CDHR2: variants seen among roughly 807,000 people sequenced by gnomAD.
CDHR2 encodes cadherin related family member 2.
In CDHR2, 104 loss-of-function variants were observed where a neutral mutation model predicts 138.6. The observed-to-expected ratio is 0.75, with a 90% CI of 0.64 to 0.88. The LOEUF (loss-of-function observed/expected upper bound fraction) is 0.88, where lower values mean the gene tolerates loss of function less well. Among genes scored for constraint, CDHR2 ranks in the 40% least tolerant of loss-of-function variants. The pLI is 0.00. For synonymous variants in CDHR2, 755 were observed against 742.8 expected, an observed-to-expected ratio of 1.02 and a Z score of -0.27; for missense variants, 1,624 against 1,727.6, an observed-to-expected ratio of 0.94 and a Z score of 1.06.
intron 17 of CDHR2, among the ~76,000 whole-genome samples, chr5:176,583,548 GGGCAGAGTCACCTCCA>G (rs1472158256): frequency 6.6e-6 from 1 of 151,440 alleles, no homozygotes; most frequent in Non-Finnish European, 1.5e-5. Context: ...ACATAGGGGA[GGGCAGAGTCACCTCCA>G]GGCTGTGACA....
chr5:176,544,451 C>CTCTTTCTCTTTCCTTT (rs371507296), upstream of CDHR2, among the ~76,000 whole-genome samples: 11 of 146,282 alleles, frequency 7.5e-5, no homozygotes, highest in East Asian at 1.6e-3. Context: ...TTCTCTCTTT[C>CTCTTTCTCTTTCCTTT]CTTTTTTTGA....
intron 1 of CDHR2, among the ~76,000 whole-genome samples, chr5:176,562,376 G>A (rs960282935): frequency 3.3e-5 from 5 of 151,884 alleles, no homozygotes; most frequent in African/African-American, 4.8e-5. Flanking sequence ...GGACGTGGGC[G>A]TTCAGGAGAA....
intron 1 of CDHR2, among the ~76,000 whole-genome samples, chr5:176,559,423 C>A (rs1368818603): frequency 6.6e-6 from 1 of 152,116 alleles, no homozygotes; most frequent in Non-Finnish European, 1.5e-5. Context: ...TGTCTTTATC[C>A]CTAATACTCT....
In CDHR2 at chr5:176,589,095, T is replaced by A; in HGVS notation, c.2921T>A (p.Ile974Asn). Residue 974 changes from isoleucine (I) to asparagine (N), a missense_variant, in exon 22 of 32, where the codon ATC (isoleucine) becomes AAC (asparagine). Transcript: ENST00000261944. ...TTCTCCATCCTCCGAGTAGACTTCA[T>A]CTCTAAGGACGGGGCCACCATCCCT... is the stretch of plus-strand genomic sequence containing the variant. ...ILFSILRVDF[I>N]SKDGATIPFQ... is the part of the protein sequence containing the mutation. 6.2e-7 allele frequency: 1 copy of A among 1,614,042 alleles called. No individual in the cohort carries two copies.
intron 16 of CDHR2, among the ~76,000 whole-genome samples, chr5:176,580,840 A>T (rs1179325512): frequency 6.6e-6 from 1 of 152,242 alleles, no homozygotes; most frequent in African/African-American, 2.4e-5. Context: ...AGATCGCACC[A>T]TTGCACTCCA....
chr5:176,595,130 T>C (rs1485000148), intron 31 of CDHR2, among the ~76,000 whole-genome samples: 12 of 152,212 alleles, frequency 7.9e-5, no homozygotes, highest in Non-Finnish European at 1.5e-4. Flanking sequence ...CCTCAGAGGG[T>C]TTCAGTGGGT....
intron 1 of CDHR2, among the ~76,000 whole-genome samples, chr5:176,561,671 G>A (rs1289854056): frequency 1.4e-4 from 19 of 140,224 alleles, no homozygotes; most frequent in Middle Eastern, 3.7e-3. Context: ...GTGGAGTCTC[G>A]CTCTGTCACC....
chr5:176,575,397 T>A lies in CDHR2; in HGVS notation c.739T>A (p.Ser247Thr), dbSNP rs777917560. The change falls in exon 9 of 32, where the codon TCG becomes ACG. Residue 247 changes from serine (S) to threonine (T), a missense_variant. Physicochemically the swap from Ser to Thr is moderately conservative, Grantham distance 58. Transcript: ENST00000261944. ...CCCCCAGTTTGTCAGGGAGTTTTACTCGGCCTCTGTGGCTGAGGATGCAGC... is the reference window on the plus strand; with the variant it reads ...CCCCCAGTTTGTCAGGGAGTTTTACACGGCCTCTGTGGCTGAGGATGCAGC... ...LDPQFVREFY[S>T]ASVAEDAAKG... The A allele has an allele frequency of 6.2e-7, 1 of 1,614,238 alleles. No homozygotes were observed. Among genetic ancestry groups the A allele is most frequent in the South Asian group, 1.1e-5 (1 of 91,084 alleles).
chr5:176,585,064 C>A lies in CDHR2; in HGVS notation c.2734+49C>A, dbSNP rs10067807. 1,938 of 1,495,744 alleles carry A rather than the reference C, an allele frequency of 1.3e-3. 20 individuals carry two copies. In the African/African-American group the frequency reaches 0.025, roughly 19 times the overall value. The allele number at this position is 1,495,744 out of a possible 1,614,324, so 92.7% of individuals were successfully genotyped here. ...GCTTGGCAGGCCATAGCTTAGGGGC[C>A]GCGGGAAGGAGCCCTGGGCTGGAAC... On this transcript the variant is annotated intron_variant, in intron 19 of 31. Coordinates refer to ENST00000261944, the MANE Select transcript of CDHR2 (RefSeq NM_017675.6).
Position 176,577,655 on chromosome 5 carries a change from G to T in CDHR2, c.1369G>T (p.Val457Phe). ...CCCCCAGGTTGTGGCCACAGACTCC[G>T]TCAGCCAGAACTTCTCCGTCGCCAT... Reference protein sequence around the residue: ...MAVQVVATDSVSQNFSVAMVT... With the variant: ...MAVQVVATDSFSQNFSVAMVT... Residue 457 changes from valine to phenylalanine, a missense_variant, in exon 14 of 32, where the codon GTC becomes TTC. Transcript: ENST00000261944. 6.2e-7 allele frequency: 1 copy of T among 1,614,166 alleles called. No homozygotes were observed. Among genetic ancestry groups the T allele is most frequent in the Non-Finnish European group, 8.5e-7 (1 of 1,180,020 alleles).
At chr5:176,568,936 G>A in intron 4 of CDHR2, 24 bp from the exon 5 acceptor site, 1 of 1,613,726 alleles carries the variant, frequency 6.2e-7, no homozygotes, top group South Asian at 1.1e-5. Flanking sequence ...CTCACCACCG[G>A]CCCCTTCTCT....
intron 30 of CDHR2, among the ~76,000 whole-genome samples, chr5:176,592,197 GTGCTGATGGTGA>G (rs1561883459): frequency 7.4e-5 from 11 of 147,730 alleles, no homozygotes; most frequent in African/African-American, 2.8e-4. Flanking sequence ...GGTGATGATG[GTGCTGATGGTGA>G]TGGTGGTGAT....
At chr5:176,595,826 GTA>G, downstream of CDHR2, 1 of 741,586 alleles carries the variant, frequency 1.3e-6, no homozygotes. Flanking sequence ...TATTACCAAT[GTA>G]TACTGTGACA....
chr5:176,568,850 G>A (rs374245817), intron 4 of CDHR2, 33 bp downstream of exon 4: 20 of 1,612,670 alleles, frequency 1.2e-5, no homozygotes, highest in East Asian at 1.1e-4. Flanking sequence ...GGCACGGGAC[G>A]CGGAGGGGGT....
At position 176,586,935 on chromosome 5, in the gene CDHR2, A is replaced by G. The variant is rs1467738777; in HGVS notation, c.2856+93A>G. The G allele has an allele frequency of 1.2e-5, 12 of 1,031,564 alleles. No homozygotes were observed. The Admixed American group carries it at 1.8e-4, about 16-fold the overall frequency. The allele number at this position is 1,031,564 out of a possible 1,614,324, so 63.9% of individuals were successfully genotyped here. Reference sequence around the variant, plus strand: ...GCCTTCCATGGTAGAAAGAAAATATATGGGCTCCAACACATGAAAAAGAAA... The same window carrying G: ...GCCTTCCATGGTAGAAAGAAAATATGTGGGCTCCAACACATGAAAAAGAAA... On this transcript the variant is annotated intron_variant, in intron 21 of 31. Transcript: ENST00000261944.
chr5:176,593,471 G>A (rs1057369718), intron 31 of CDHR2, among the ~76,000 whole-genome samples: 5 of 152,356 alleles, frequency 3.3e-5, no homozygotes, highest in African/African-American at 7.2e-5. Context: ...GGTGGACACC[G>A]CTGGAGCGGG....
intron 14 of CDHR2, 39 bp from the exon 15 acceptor site, chr5:176,577,995 C>T (rs745828824): frequency 4.4e-6 from 7 of 1,581,560 alleles, no homozygotes; most frequent in African/African-American, 2.7e-5. Flanking sequence ...GTGCGTGCAT[C>T]GCCTCCACAC....
chr5:176,577,119 G>A (rs1319589511), intron 12 of CDHR2, among the ~76,000 whole-genome samples: 1 of 151,474 alleles, frequency 6.6e-6, no homozygotes, highest in Non-Finnish European at 1.5e-5. Context: ...TGTGAAGGGT[G>A]GGTGGGAGGG....
rs547137908 is a variant in CDHR2, at chr5:176,592,583, GTGA to G, written c.3735-134_3735-132del. ...GCTGATGGTAGTGATGATGGTAGTT[GTGA>G]TGATGGTGGTGGTGGTGATGGTGAT... On this transcript the variant is annotated intron_variant, in intron 30 of 31. Transcript: ENST00000261944. 8.5e-4 allele frequency: 592 copies of G among 699,218 alleles called. 6 individuals are homozygous for G. Among genetic ancestry groups the G allele is most frequent in the South Asian group, 7.5e-3 (470 of 62,752 alleles). The allele number at this position is 699,218 out of a possible 1,614,324, so 43.3% of individuals were successfully genotyped here.
Sources: gnomAD v4.1 joint callset for allele counts (sites outside exome capture counted in the v4.1 genomes callset) on GRCh38, gnomAD v4.1.1 for gene constraint, MANE v1.5 for transcripts, NCBI Gene and HGNC (gene_info 2026-07-23, HGNC 2026-07-21) for gene names.